The following PLCH2 variants were observed in gnomAD, a reference collection of about 807,000 sequenced individuals.
PLCH2 encodes phospholipase C eta 2.
A neutral mutation model predicts 134.7 loss-of-function variants in PLCH2; 98 were observed. The observed-to-expected ratio is 0.73, with a 90% CI of 0.62 to 0.86. PLCH2 has a LOEUF of 0.86. Among genes scored for constraint, PLCH2 ranks in the 40% least tolerant of loss-of-function variants. The probability of loss-of-function intolerance (pLI) is 0.00; values close to 1 mark genes in which losing one functional copy is unlikely to be tolerated. For synonymous variants in PLCH2, 974 were observed against 827.5 expected (o/e 1.18, Z -3.04); for missense variants, 1,994 against 1,986.6 (o/e 1.00, Z -0.07).
intron 1 of PLCH2, among the ~76,000 whole-genome samples, chr1:2,477,169 G>A (rs1342958583): frequency 6.6e-6 from 1 of 152,152 alleles, no homozygotes; most frequent in Non-Finnish European, 1.5e-5. Context: ...GTGGTGGCCT[G>A]TGGAGGGCCC....
chr1:2,467,995 G>T (rs561641341), intron 1 of PLCH2, among the ~76,000 whole-genome samples: 17 of 152,232 alleles, frequency 1.1e-4, no homozygotes, highest in Non-Finnish European at 1.6e-4. Context: ...CCAGGTGGGC[G>T]GTGGGGGAGG....
At position 2,486,908 on chromosome 1, in the gene PLCH2, T is replaced by C. The variant is rs1250278706; in HGVS notation, c.818T>C (p.Met273Thr). 8 of 1,602,168 alleles carry C rather than the reference T, an allele frequency of 5.0e-6. No homozygotes were observed. Among genetic ancestry groups the C allele is most frequent in the Non-Finnish European group, 6.8e-6 (8 of 1,174,896 alleles). ...ACTCATGCCCCTGCTCTGGCCTAGA[T>C]GGCGGGTGTGACCCTCGAGAGCTGC... ...LQRFLQVEQK[M>T]AGVTLESCQD... The change falls in exon 6 of 22, where the codon ATG becomes ACG. Residue 273 changes from methionine (M) to threonine (T), a missense_variant and splice_region_variant. Transcript: ENST00000378486.
At chr1:2,441,392 G>T (rs1291331670) in intron 2 of PLCH2, among the ~76,000 whole-genome samples, 1 of 152,242 alleles carries the variant, frequency 6.6e-6, no homozygotes, top group African/African-American at 2.4e-5. Context: ...GAGCGTGGGG[G>T]CATGGGGGTG....
intron 2 of PLCH2, among the ~76,000 whole-genome samples, chr1:2,462,181 C>T (rs138672115): frequency 1.7e-5 from 2 of 119,402 alleles, no homozygotes; most frequent in Non-Finnish European, 3.5e-5. Flanking sequence ...CCTGACACCC[C>T]CTCCACCTGA....
Position 2,497,117 on chromosome 1 carries a change from T to G in PLCH2, c.2116+107T>G, listed in dbSNP as rs1642938314. On this transcript the variant is annotated intron_variant, in intron 15 of 21. Transcript: ENST00000378486. ...ACCCGCTGGGGCCTCGGTTCTGTCC[T>G]GGGCTCTATTGCCCTTGGAGCCTCC... 6.4e-6 allele frequency: 7 copies of G among 1,102,278 alleles called. No individual in the cohort carries two copies. The South Asian group carries it at 9.2e-5, about 14-fold the overall frequency. 68.3% of individuals were successfully genotyped at this position (1,102,278 alleles called of 1,614,324 possible).
Position 2,498,297 on chromosome 1 carries a change from A to G in PLCH2, c.2225-226A>G. Reference sequence around the variant, plus strand: ...GTGACCTCCTCGGCTCAGCTGTGGGAGGCATGGGCTCTGTCCCACATGCTG... The same window carrying G: ...GTGACCTCCTCGGCTCAGCTGTGGGGGGCATGGGCTCTGTCCCACATGCTG... On this transcript the variant is annotated intron_variant, in intron 16 of 21. Transcript: ENST00000378486. The surrounding 1 kb of genome is among the most constrained non-coding windows in gnomAD (Gnocchi z 5.4). 1 of 463,374 alleles carries G rather than the reference A, an allele frequency of 2.2e-6. No individual in the cohort carries two copies. The highest frequency in any genetic ancestry group is 2.6e-5 in the South Asian group (1 of 38,078). 28.7% of individuals were successfully genotyped at this position (463,374 alleles called of 1,614,324 possible).
At chr1:2,418,955 C>T in the PLCH2 span, among the ~76,000 whole-genome samples, 835 of 152,324 alleles carry the variant, frequency 5.5e-3, 5 homozygotes, top group Non-Finnish European at 9.1e-3. Context: ...GCCCTTGATT[C>T]TTCCTACCAC....
At chr1:2,471,179 C>T (rs999642630) in intron 1 of PLCH2, among the ~76,000 whole-genome samples, 9 of 152,204 alleles carry the variant, frequency 5.9e-5, no homozygotes, top group South Asian at 2.1e-4. Flanking sequence ...TGGCTGGGGA[C>T]GGCGAGGGGG....
chr1:2,483,046 A>C lies in PLCH2; in HGVS notation c.646-1402A>C, dbSNP rs201008120. 2.1e-4 allele frequency among the ~76,000 whole-genome samples: 32 copies of C among 152,278 alleles called. No homozygotes were observed. In the East Asian group the frequency reaches 6.0e-3, roughly 28 times the overall value. ...TCCTCAGCCTGTGTGGGCTCTGGGA[A>C]GAGGACCCAGCGGGGCTTGTCTGGA... On this transcript the variant is annotated intron_variant, in intron 4 of 21. Transcript: ENST00000378486.
chr1:2,423,892 G>A (rs552617217), upstream of PLCH2, among the ~76,000 whole-genome samples: 8 of 152,028 alleles, frequency 5.3e-5, no homozygotes, highest in Non-Finnish European at 7.4e-5. Flanking sequence ...TCGTCGTGAC[G>A]CTGCCTGCAC....
At chr1:2,499,378 C>A in intron 19 of PLCH2, 148 bp downstream of exon 19, 1 of 1,056,622 alleles carries the variant, frequency 9.5e-7, no homozygotes, top group Non-Finnish European at 1.4e-6. Flanking sequence ...GGAGAGCCAG[C>A]CTGGGGATCT....
chr1:2,478,186 G>A (rs1412863449), intron 1 of PLCH2, among the ~76,000 whole-genome samples: 1 of 152,208 alleles, frequency 6.6e-6, no homozygotes, highest in African/African-American at 2.4e-5. Flanking sequence ...GCAGGGTGGG[G>A]AGCAGGGCCC....
chr1:2,456,117 G>A lies in PLCH2; in HGVS notation c.116-22359G>A, dbSNP rs185362671. On this transcript the variant is annotated intron_variant, in intron 2 of 3. Coordinates refer to the PLCH2 transcript ENST00000609981. ...ATTGGCTGTGGGTGGCGGTGTTGAT[G>A]CCGTTTGGGATGCGGAGCCCAGAGG... 1.3e-3 allele frequency among the ~76,000 whole-genome samples: 205 copies of A among 152,334 alleles called. 1 individual carries two copies. Among genetic ancestry groups the A allele is most frequent in the African/African-American group, 4.6e-3 (190 of 41,558 alleles).
rs545847028 is a variant in PLCH2, at chr1:2,505,205, C to T, written c.4243C>T (p.Arg1415Cys). The change falls in exon 22 of 22, where the codon CGC (arginine) becomes TGC (cysteine). Residue 1415 changes from arginine (R) to cysteine (C), a missense_variant. Coordinates refer to ENST00000378486, the MANE Select transcript of PLCH2 (RefSeq NM_014638.4). ...GGCTGCTGAAAACCTGGTCCTGCTCCGCCTCTGACCGTCAGTGGTGGGAAC... is the reference window on the plus strand; with the variant it reads ...GGCTGCTGAAAACCTGGTCCTGCTCTGCCTCTGACCGTCAGTGGTGGGAAC... ...SAAAENLVLL[R>C]L The T allele has an allele frequency of 4.5e-5, 70 of 1,568,702 alleles. No homozygotes were observed. The highest frequency in any genetic ancestry group is 2.2e-4 in the Middle Eastern group (1 of 4,556).
At chr1:2,489,132 G>A (rs983891321) in intron 8 of PLCH2, 75 bp from the exon 9 acceptor site, 6 of 1,321,420 alleles carry the variant, frequency 4.5e-6, no homozygotes, top group Non-Finnish European at 5.3e-6. Context: ...GATGACCTGG[G>A]ATCTTGCAGA....
chr1:2,463,300 A>G (rs956664879), upstream of PLCH2, among the ~76,000 whole-genome samples: 3 of 152,136 alleles, frequency 2.0e-5, no homozygotes, highest in African/African-American at 7.2e-5. Context: ...AAGAGGTTGG[A>G]TCCAGGGGCC....
intron 14 of PLCH2, 47 bp downstream of exon 14, chr1:2,496,751 C>T: frequency 1.2e-6 from 2 of 1,610,568 alleles, no homozygotes; most frequent in Non-Finnish European, 8.5e-7. Flanking sequence ...CCTCCCTGTC[C>T]CCCATCCCTG....
At chr1:2,491,120 C>T in intron 10 of PLCH2, 72 bp from the exon 11 acceptor site, 1 of 1,455,006 alleles carries the variant, frequency 6.9e-7, no homozygotes, top group Non-Finnish European at 9.3e-7. Flanking sequence ...TGCTGTGACC[C>T]TGGGGGTTGT....
Position 2,450,185 on chromosome 1 carries a change from G to A in PLCH2, c.115+19556G>A, listed in dbSNP as rs139262782. ...GTCCCCTTCTTGGCTGGGCCTCGAC[G>A]GGGGGGCAGATATCGGGCACCTCCT... On this transcript the variant is annotated intron_variant, in intron 2 of 3. Transcript: ENST00000609981. 5.8e-4 allele frequency among the ~76,000 whole-genome samples: 89 copies of A among 152,180 alleles called. 1 individual carries two copies. The East Asian group carries it at 0.016, about 27-fold the overall frequency.
Sources: gnomAD v4.1 joint callset for allele counts (sites outside exome capture counted in the v4.1 genomes callset) on GRCh38, gnomAD v4.1.1 for gene constraint, Gnocchi (gnomAD v3.1) non-coding constraint, MANE v1.5 for transcripts, NCBI Gene and HGNC (gene_info 2026-07-23, HGNC 2026-07-21) for gene names.